Variants in ELOA observed in about 807,000 individuals in gnomAD.
The protein encoded by ELOA is elongin-A.
A neutral mutation model predicts 85.2 loss-of-function variants in ELOA; 15 were observed. That is an observed-to-expected ratio of 0.18 (90% confidence interval 0.12 to 0.27). The LOEUF is 0.27. Among genes scored for constraint, ELOA ranks in the 10% least tolerant of loss-of-function variants. The pLI is 1.00. For missense variants in ELOA, 769 were observed against 952.7 expected, an observed-to-expected ratio of 0.81 and a Z score of 2.54; for synonymous variants, 348 against 357.2, an observed-to-expected ratio of 0.97 and a Z score of 0.29.
At position 23,760,047 on chromosome 1, in the gene ELOA, C is replaced by G. The variant is rs1194380789; in HGVS notation, c.*474C>G. 5.9e-6 allele frequency: 1 copy of G among 168,360 alleles called. No homozygotes were observed. The highest frequency in any genetic ancestry group is 1.7e-4 in the East Asian group (1 of 5,748). 10.4% of individuals were successfully genotyped at this position (168,360 alleles called of 1,614,324 possible). On this transcript the variant is annotated 3_prime_UTR_variant, in exon 11 of 11. Transcript: ENST00000613537. The stretch of plus-strand genomic sequence containing the variant: ...AGCTCTGTGTGGACTCTGGTCCAGA[C>G]AGAGGACTGGGCATCTCCAGAGCCT...
chr1:23,755,465 C>G (rs1303180304), intron 7 of ELOA, among the ~76,000 whole-genome samples: 2 of 152,062 alleles, frequency 1.3e-5, no homozygotes, highest in Non-Finnish European at 2.9e-5. Flanking sequence ...AAACTGGTCA[C>G]TCCTAGGTAA....
rs1301223098 is a variant in ELOA at position 23,758,279 on chromosome 1, T to A, written c.2257+1154T>A. On this transcript the variant is annotated intron_variant, in intron 10 of 10. Transcript: ENST00000613537. ...TATTTATTTTTTTTTTTTTTTTTTT[T>A]TTTTTTTTTTTGGAGACAGAGTCTC... Among the ~76,000 whole-genome samples the A allele has an allele frequency of 1.5e-3, 164 of 108,704 alleles. 6 individuals carry two copies. The highest frequency in any genetic ancestry group is 5.4e-3 in the African/African-American group (150 of 27,906). The allele number at this position is 108,704 out of a possible 152,430, so 71.3% of individuals were successfully genotyped here.
intron 10 of ELOA, among the ~76,000 whole-genome samples, chr1:23,757,608 C>G (rs1252219404): frequency 6.6e-6 from 1 of 152,098 alleles, no homozygotes; most frequent in African/African-American, 2.4e-5. Context: ...ATGCCATTCT[C>G]CTGCCTCAGC....
chr1:23,759,124 C>T (rs1419731847), intron 10 of ELOA, among the ~76,000 whole-genome samples: 2 of 152,258 alleles, frequency 1.3e-5, no homozygotes, highest in African/African-American at 4.8e-5. Flanking sequence ...GTAGAGGCTA[C>T]AGTGTGCTGT....
At chr1:23,745,412 A>C (rs1259094790) in intron 1 of ELOA, among the ~76,000 whole-genome samples, 1 of 152,102 alleles carries the variant, frequency 6.6e-6, no homozygotes, top group Non-Finnish European at 1.5e-5. Context: ...TTTTTTAACT[A>C]GAATTTAGAT....
At chr1:23,747,015 AC>A (rs1644750189) in intron 1 of ELOA, among the ~76,000 whole-genome samples, 1 of 152,066 alleles carries the variant, frequency 6.6e-6, no homozygotes, top group African/African-American at 2.4e-5. Context: ...CTTTTAAATC[AC>A]CCCTAATAAC....
At chr1:23,758,255 ATTTATTTTTTTTTTTTTTTTTTTTT>A (rs1388738247) in intron 10 of ELOA, among the ~76,000 whole-genome samples, 1 of 36,220 alleles carries the variant, frequency 2.8e-5, no homozygotes, top group African/African-American at 1.5e-4. Context: ...CAATTTATTT[ATTTATTTTTTTTTTTTTTTTTTTTT>A]TTTTTTTTTT....
rs1179201926 is a variant in ELOA at position 23,757,032 on chromosome 1, C to T, written c.2164C>T (p.Pro722Ser). 6.2e-7 allele frequency: 1 copy of T among 1,611,134 alleles called. No individual in the cohort carries two copies. Reference sequence around the variant, plus strand: ...CAGCTTTAACCCCAGCCCTGAGGAGCCGGCCTATGATGGCCCAAGCACCAG... The same window carrying T: ...CAGCTTTAACCCCAGCCCTGAGGAGTCGGCCTATGATGGCCCAAGCACCAG... ...SISFNPSPEE[P>S]AYDGPSTSSA... The change falls in exon 10 of 11, where the codon CCG (proline) becomes TCG (serine). Residue 722 changes from proline (P) to serine (S), a missense_variant. By Grantham distance (74) the Pro-to-Ser change is moderately conservative (BLOSUM62 -1). Coordinates refer to ENST00000613537, the MANE Select transcript of ELOA (RefSeq NM_003198.3).
chr1:23,754,980 C>T (rs567606484), intron 7 of ELOA, among the ~76,000 whole-genome samples: 13 of 147,092 alleles, frequency 8.8e-5, no homozygotes, highest in East Asian at 3.9e-4. Context: ...TCTGTTGCTT[C>T]GACTGCAGTA....
rs1553125603 is a variant in ELOA at position 23,750,170 on chromosome 1, C to CCTTT, written c.239+222_239+223insCTTT. Among the ~76,000 whole-genome samples, 614 of 90,520 alleles carry CCTTT rather than the reference C, an allele frequency of 6.8e-3. 12 individuals carry two copies. Among genetic ancestry groups the CCTTT allele is most frequent in the South Asian group, 0.011 (27 of 2,438 alleles). The allele number at this position is 90,520 out of a possible 152,430, so 59.4% of individuals were successfully genotyped here. ...ACGTTATGAACATTTTGGTACGTTT[C>CCTTT]TTTTTTTTTTTTTTTTTTTTTTTGA... On this transcript the variant is annotated intron_variant, in intron 3 of 10. Transcript: ENST00000613537.
At chr1:23,759,030 A>G (rs1251699162) in intron 10 of ELOA, among the ~76,000 whole-genome samples, 1 of 151,960 alleles carries the variant, frequency 6.6e-6, no homozygotes, top group Admixed American at 6.6e-5. Flanking sequence ...ACATAGTGAG[A>G]CCCTGACTCT....
At chr1:23,750,276 C>T (rs1014409890) in intron 3 of ELOA, among the ~76,000 whole-genome samples, 29 of 147,400 alleles carry the variant, frequency 2.0e-4, no homozygotes, top group Admixed American at 1.4e-3. Context: ...CCCAGGTTCA[C>T]GCCATTCTCC....
chr1:23,757,861 A>T (rs1469861999), intron 10 of ELOA, among the ~76,000 whole-genome samples: 1 of 151,548 alleles, frequency 6.6e-6, no homozygotes, highest in Non-Finnish European at 1.5e-5. Flanking sequence ...CTGGCCAGGC[A>T]TGGTCCCTGT....
intron 10 of ELOA, among the ~76,000 whole-genome samples, chr1:23,757,720 C>T (rs145808583): frequency 0.019 from 2,827 of 151,612 alleles, 84 homozygotes; most frequent in African/African-American, 0.063. Context: ...AGGATGGTCT[C>T]GATCTCCTGA....
chr1:23,749,805 T>G, intron 2 of ELOA, 37 bp from the exon 3 acceptor site: 1 of 1,588,010 alleles, frequency 6.3e-7, no homozygotes, highest in Non-Finnish European at 8.6e-7. Context: ...TTAGCCTAGT[T>G]CCAGACCCCT....
intron 7 of ELOA, 64 bp from the exon 8 acceptor site, chr1:23,755,779 C>CAA (rs371132818): frequency 2.3e-3 from 2,550 of 1,092,098 alleles, no homozygotes; most frequent in African/African-American, 3.6e-3. Flanking sequence ...GACTCTGTCT[C>CAA]AAAAAAAAAA....
rs1188096483 is a variant in ELOA, at chr1:23,761,403, T to C, written c.*1830T>C. ...CTTGAATTTATCTCTTAACTGTGTG[T>C]TCAAGTCTTTGTCATTGAAACTAGT... On this transcript the variant is annotated 3_prime_UTR_variant, in exon 11 of 11. Coordinates refer to ENST00000613537, the MANE Select transcript of ELOA (RefSeq NM_003198.3). 6 of 152,220 alleles carry C rather than the reference T, an allele frequency of 3.9e-5. No homozygotes were observed. The highest frequency in any genetic ancestry group is 8.8e-5 in the Non-Finnish European group (6 of 68,030). The allele number at this position is 152,220 out of a possible 1,614,324, so 9.4% of individuals were successfully genotyped here.
rs916924223 is a variant in ELOA at position 23,751,454 on chromosome 1, A to T, written c.849A>T (p.Pro283=). The change falls in exon 4 of 11, where the codon CCA becomes CCT. Residue 283 remains proline (P), a synonymous_variant. Coordinates refer to ENST00000613537, the MANE Select transcript of ELOA (RefSeq NM_003198.3). ...KALSKEENRR[P]PSGDNAREKP... is the part of the protein sequence containing the mutation. ...TCTCCAAAGAGGAGAACCGAAGGCC[A>T]CCCTCAGGGGACAATGCAAGGGAGA... is the stretch of plus-strand genomic sequence containing the variant. 6.2e-7 allele frequency: 1 copy of T among 1,613,984 alleles called. No homozygotes were observed. The highest frequency in any genetic ancestry group is 1.7e-5 in the Admixed American group (1 of 59,994).
Position 23,750,923 on chromosome 1 carries a change from G to A in ELOA, c.318G>A (p.Glu106=), listed in dbSNP as rs1417813263. The change falls in exon 4 of 11, where the codon GAG becomes GAA. Residue 106 remains glutamate, a synonymous_variant. Transcript: ENST00000613537. The part of the protein sequence containing the change: ...KRPRDALQKE[E]EMEGDYQETW... The stretch of plus-strand genomic sequence containing the variant: ...CTCGGGATGCCCTGCAGAAGGAGGA[G>A]GAGATGGAGGGGGACTACCAAGAAA... 23 of 1,613,938 alleles carry A rather than the reference G, an allele frequency of 1.4e-5. No individual in the cohort carries two copies. Among genetic ancestry groups the A allele is most frequent in the Non-Finnish European group, 1.8e-5 (21 of 1,180,020 alleles).
Sources: allele counts gnomAD v4.1 joint callset (sites outside exome capture counted in the v4.1 genomes callset), GRCh38; gene constraint gnomAD v4.1.1; transcripts MANE v1.5; gene names NCBI Gene and HGNC (gene_info 2026-07-23, HGNC 2026-07-21).